TENM3: variants seen among roughly 807,000 people sequenced by gnomAD.
The protein encoded by TENM3 is teneurin transmembrane protein 3.
In TENM3, 63 loss-of-function variants were observed where a neutral mutation model predicts 255.1. That is an observed-to-expected ratio of 0.25 (90% CI 0.20 to 0.30). The LOEUF (loss-of-function observed/expected upper bound fraction) is 0.30. Ranked by LOEUF, TENM3 falls within the 10% of genes least tolerant of loss-of-function variation. The pLI, the probability that TENM3 is intolerant of heterozygous loss-of-function variation, is 1.00. For synonymous variants in TENM3, 1,306 were observed against 1,322.3 expected (o/e 0.99, Z 0.27); for missense variants, 2,929 against 3,461.1 (o/e 0.85, Z 3.86).
At chr4:182,639,410 T>G (rs528839091) in intron 5 of TENM3, among the ~76,000 whole-genome samples, 1 of 152,308 alleles carries the variant, frequency 6.6e-6, no homozygotes, top group Admixed American at 6.5e-5. Context: ...AAAATGTAAG[T>G]GCTCAGTTAA....
intron 3 of TENM3, among the ~76,000 whole-genome samples, chr4:182,536,772 CCTT>C (rs1396738937): frequency 7.2e-5 from 11 of 152,290 alleles, no homozygotes; most frequent in African/African-American, 2.4e-4. Flanking sequence ...TGAAGTCACT[CCTT>C]CTTACCCCAT....
intron 22 of TENM3, among the ~76,000 whole-genome samples, chr4:182,769,020 T>G (rs1389072357): frequency 3.9e-5 from 6 of 152,136 alleles, no homozygotes; most frequent in Non-Finnish European, 7.4e-5. Context: ...TTCAAAAAGC[T>G]AATAAAGGAA....
chr4:182,678,141 T>C (rs1041812709), intron 7 of TENM3, among the ~76,000 whole-genome samples: 1 of 152,190 alleles, frequency 6.6e-6, no homozygotes, highest in Non-Finnish European at 1.5e-5. Context: ...TCACTCTACT[T>C]TTAACAATTG....
At chr4:182,194,645 C>A (rs572809624) in intron 1 of TENM3, among the ~76,000 whole-genome samples, 3 of 152,122 alleles carry the variant, frequency 2.0e-5, no homozygotes, top group Non-Finnish European at 2.9e-5. Flanking sequence ...TGCCAGCCAG[C>A]CAGACTAAAT....
intron 3 of TENM3, among the ~76,000 whole-genome samples, chr4:182,441,619 T>C (rs1301018638): frequency 6.6e-6 from 1 of 152,188 alleles, no homozygotes; most frequent in African/African-American, 2.4e-5. Context: ...TGCCTCAGCC[T>C]CCCTAGTAGC....
rs72995463 is a variant in TENM3 at position 182,418,901 on chromosome 4, G to A, written c.511+71972G>A. Among the ~76,000 whole-genome samples, 459 of 152,254 alleles carry A rather than the reference G, an allele frequency of 3.0e-3. 2 individuals are homozygous for A. The highest frequency in any genetic ancestry group is 0.011 in the African/African-American group (441 of 41,554). On this transcript the variant is annotated intron_variant, in intron 3 of 27. Transcript: ENST00000511685. Reference sequence around the variant, plus strand: ...TAAGAGTGGGATATGACTTGCTGGGGCCAAGGACAGTGCCATACCTCTCAA... The same window carrying A: ...TAAGAGTGGGATATGACTTGCTGGGACCAAGGACAGTGCCATACCTCTCAA...
In TENM3 at chr4:182,412,748, G is replaced by A. The variant is rs138196036; in HGVS notation, c.511+65819G>A. ...GGTGGGTTAGCACTCACCTGTAGTC[G>A]CAGCTACTCGGGAAGCTTAGGCAGG... On this transcript the variant is annotated intron_variant, in intron 3 of 27. Transcript: ENST00000511685. Among the ~76,000 whole-genome samples, 20 of 151,454 alleles carry A rather than the reference G, an allele frequency of 1.3e-4. No individual in the cohort carries two copies. The East Asian group carries it at 3.9e-3, about 30-fold the overall frequency.
At chr4:182,497,799 CGTGAT>C (rs1735918925) in intron 3 of TENM3, among the ~76,000 whole-genome samples, 1 of 146,078 alleles carries the variant, frequency 6.8e-6, no homozygotes, top group African/African-American at 2.6e-5. Flanking sequence ...TATGTAGACA[CGTGAT>C]GTATATATAT....
chr4:182,730,415 G>T, intron 15 of TENM3, 96 bp downstream of exon 15: 2 of 1,418,664 alleles, frequency 1.4e-6, no homozygotes, highest in Non-Finnish European at 1.9e-6. Flanking sequence ...TTTTAAATAT[G>T]GAAATGCAGC....
intron 5 of TENM3, among the ~76,000 whole-genome samples, chr4:182,641,186 AC>A (rs1422936389): frequency 6.6e-6 from 1 of 152,348 alleles, no homozygotes; most frequent in East Asian, 1.9e-4. Context: ...CTCTTGACAT[AC>A]ACGTGCACCT....
At chr4:182,490,999 C>A (rs1358151214) in intron 3 of TENM3, among the ~76,000 whole-genome samples, 2 of 152,176 alleles carry the variant, frequency 1.3e-5, no homozygotes, top group East Asian at 3.8e-4. Context: ...CATAGTACTT[C>A]ATATCTACTA....
intron 3 of TENM3, among the ~76,000 whole-genome samples, chr4:182,527,314 A>T (rs1739300737): frequency 1.3e-5 from 2 of 152,202 alleles, no homozygotes; most frequent in Admixed American, 1.3e-4. Flanking sequence ...GCCAGGTAAG[A>T]GGAATAAATT....
intron 4 of TENM3, among the ~76,000 whole-genome samples, chr4:182,623,979 C>G (rs538457013): frequency 1.3e-5 from 2 of 152,234 alleles, no homozygotes; most frequent in East Asian, 1.9e-4. Context: ...ATGCTTCATG[C>G]GTTTATTTCT....
intron 6 of TENM3, among the ~76,000 whole-genome samples, chr4:182,667,110 G>T (rs1754761835): frequency 6.6e-6 from 1 of 152,102 alleles, no homozygotes; most frequent in African/African-American, 2.4e-5. Flanking sequence ...TTTAATTTAT[G>T]GGAAATAGCC....
At chr4:181,982,645 CATTTACCCAGGGAGTA>C in the TENM3 span, among the ~76,000 whole-genome samples, 1 of 152,114 alleles carries the variant, frequency 6.6e-6, no homozygotes, top group Admixed American at 6.6e-5. Flanking sequence ...AAGTGCCTAA[CATTTACCCAGGGAGTA>C]ATTTACACAC....
At chr4:182,780,411 C>G (rs1451955818) in intron 24 of TENM3, among the ~76,000 whole-genome samples, 1 of 110,076 alleles carries the variant, frequency 9.1e-6, no homozygotes, top group Non-Finnish European at 1.8e-5. Flanking sequence ...TTCCATTGAT[C>G]TATATCTCTG....
the TENM3 span, among the ~76,000 whole-genome samples, chr4:181,626,402 T>G: frequency 2.6e-5 from 4 of 152,020 alleles, no homozygotes; most frequent in Admixed American, 6.6e-5. Flanking sequence ...AGAAAATTAG[T>G]CTAAGATCAT....
chr4:181,920,576 G>A, the TENM3 span, among the ~76,000 whole-genome samples: 1 of 152,070 alleles, frequency 6.6e-6, no homozygotes, highest in Non-Finnish European at 1.5e-5. Context: ...CTTTTAATGG[G>A]GTTGTTTGTT....
chr4:181,541,887 A>G, the TENM3 span, among the ~76,000 whole-genome samples: 10 of 152,172 alleles, frequency 6.6e-5, no homozygotes, highest in African/African-American at 1.9e-4. Flanking sequence ...ATTATTCCCT[A>G]TGTGCCTCAA....
Sources: gnomAD v4.1 joint callset for allele counts (sites outside exome capture counted in the v4.1 genomes callset) on GRCh38, gnomAD v4.1.1 for gene constraint, MANE v1.5 for transcripts, NCBI Gene and HGNC (gene_info 2026-07-23, HGNC 2026-07-21) for gene names.